The following LARP4B variants were observed in gnomAD, a reference collection of about 807,000 sequenced individuals.
LARP4B encodes the protein La ribonucleoprotein 4B.
Under a neutral mutation model 89.8 loss-of-function variants are expected in LARP4B, and 12 were observed. The observed-to-expected ratio is 0.13, with a 90% CI of 0.09 to 0.22. The LOEUF (loss-of-function observed/expected upper bound fraction) is 0.22. LARP4B is among the 10% of genes least tolerant of loss of function. The pLI, the probability that LARP4B is intolerant of heterozygous loss-of-function variation, is 1.00. For synonymous variants in LARP4B, 367 were observed against 363.3 expected (o/e 1.01, Z -0.12); for missense variants, 757 against 947.7 (o/e 0.80, Z 2.64).
the LARP4B span, chr10:942,473 T>C: frequency 6.6e-6 from 1 of 152,242 alleles, no homozygotes. Flanking sequence ...ATGTCCTATT[T>C]GCACAGACTC....
At chr10:938,930 A>G in the LARP4B span, among the ~76,000 whole-genome samples, 3 of 152,256 alleles carry the variant, frequency 2.0e-5, no homozygotes, top group African/African-American at 7.2e-5. Context: ...AGCAGTTGGT[A>G]GAGACAGGTG....
At chr10:826,257 C>T (rs1330465542) in intron 11 of LARP4B, among the ~76,000 whole-genome samples, 1 of 152,216 alleles carries the variant, frequency 6.6e-6, no homozygotes, top group East Asian at 1.9e-4. Flanking sequence ...TACAACTCAT[C>T]AACATTCTCA....
chr10:830,962 A>C lies in LARP4B; in HGVS notation c.766T>G (p.Phe256Val), dbSNP rs772376102. The C allele has an allele frequency of 4.4e-6, 5 of 1,133,898 alleles. No homozygotes were observed. The African/African-American group carries it at 6.1e-5, about 14-fold the overall frequency. 70.2% of individuals were successfully genotyped at this position (1,133,898 alleles called of 1,614,324 possible). A position where few individuals can be genotyped will look rare whatever the true frequency, so the allele number is the denominator to read the frequency against. The change falls in exon 9 of 18, where the codon TTT (phenylalanine) becomes GTT (valine). Residue 256 changes from phenylalanine to valine, a missense_variant. Transcript: ENST00000316157. ...STPVEEVEAL[F>V]KGDNLPKFIN... ...AATTTTGGTAAATTATCTCCTTTAA[A>C]TAGTGCTTCTACTTCCTACAGGAAA...
In LARP4B at chr10:811,632, A is replaced by G. The variant is rs943105880; in HGVS notation, c.*1294T>C. 2.0e-5 allele frequency: 3 copies of G among 152,644 alleles called. No individual in the cohort carries two copies. The highest frequency in any genetic ancestry group is 4.4e-5 in the Non-Finnish European group (3 of 68,034). The allele number at this position is 152,644 out of a possible 1,614,324, so 9.5% of individuals were successfully genotyped here. A position where few individuals can be genotyped will look rare whatever the true frequency, so the allele number is the denominator to read the frequency against. ...GGCAAAGTCATTTTCAAGTTTAAAT[A>G]AAATTCAAGTCTTTAAATATTGGAT... On this transcript the variant is annotated 3_prime_UTR_variant, in exon 18 of 18. Transcript: ENST00000316157.
chr10:850,292 C>T (rs753034968), intron 5 of LARP4B, among the ~76,000 whole-genome samples: 1 of 152,154 alleles, frequency 6.6e-6, no homozygotes, highest in African/African-American at 2.4e-5. Context: ...ACAACAAATG[C>T]ACTTTATTAA....
chr10:831,642 A>G (rs1832911466), intron 8 of LARP4B, among the ~76,000 whole-genome samples: 1 of 152,166 alleles, frequency 6.6e-6, no homozygotes, highest in Non-Finnish European at 1.5e-5. Context: ...CACAGTGGAA[A>G]ACTCTCCTAA....
At chr10:915,977 T>A (rs887883539) in intron 1 of LARP4B, among the ~76,000 whole-genome samples, 4 of 152,192 alleles carry the variant, frequency 2.6e-5, no homozygotes, top group African/African-American at 9.6e-5. Flanking sequence ...AACTTTCAAA[T>A]TCTAAAATTA....
At chr10:845,082 GA>G in intron 5 of LARP4B, 27 bp from the exon 6 acceptor site, 1 of 1,558,422 alleles carries the variant, frequency 6.4e-7, no homozygotes. Context: ...ATCAACTTAG[GA>G]AAACCGGCTT....
chr10:916,656 T>C (rs778487666), intron 1 of LARP4B, among the ~76,000 whole-genome samples: 22 of 152,090 alleles, frequency 1.4e-4, no homozygotes, highest in Admixed American at 3.3e-4. Context: ...GATCACGCCA[T>C]TGCACTCCAG....
Position 905,848 on chromosome 10 carries a change from T to C in LARP4B, c.-39-20088A>G, listed in dbSNP as rs187354825. 1.4e-3 allele frequency among the ~76,000 whole-genome samples: 220 copies of C among 152,302 alleles called. 1 individual carries two copies. Among genetic ancestry groups the C allele is most frequent in the African/African-American group, 5.0e-3 (208 of 41,560 alleles). Reference sequence around the variant, plus strand: ...CAAGAACCAGCCTCCTGCTTGCTGGTGGACAGGGAGGACCTCTCACAGCAC... The same window carrying C: ...CAAGAACCAGCCTCCTGCTTGCTGGCGGACAGGGAGGACCTCTCACAGCAC... On this transcript the variant is annotated intron_variant, in intron 1 of 17. Coordinates refer to ENST00000316157, the MANE Select transcript of LARP4B (RefSeq NM_015155.3).
intron 1 of LARP4B, among the ~76,000 whole-genome samples, chr10:886,586 ATGTG>A (rs936885056): frequency 2.0e-5 from 3 of 152,174 alleles, no homozygotes; most frequent in South Asian, 2.1e-4. Context: ...AGAAATTGGG[ATGTG>A]TGTATCTGTC....
rs1196572754 is a variant in LARP4B at position 814,423 on chromosome 10, A to G, written c.1929+319T>C. 6 of 404,768 alleles carry G rather than the reference A, an allele frequency of 1.5e-5. No individual in the cohort carries two copies. Among genetic ancestry groups the G allele is most frequent in the South Asian group, 6.4e-5 (3 of 47,074 alleles). The allele number at this position is 404,768 out of a possible 1,614,324, so 25.1% of individuals were successfully genotyped here. A position where few individuals can be genotyped will look rare whatever the true frequency, so the allele number is the denominator to read the frequency against. On this transcript the variant is annotated intron_variant, in intron 17 of 17. Coordinates refer to ENST00000316157, the MANE Select transcript of LARP4B (RefSeq NM_015155.3). The surrounding 1 kb of genome is among the most constrained non-coding windows in gnomAD (Gnocchi z 4.4). ...CGCGCACGCACGCAAACATACACAC[A>G]CGCGCGAAATGCTGAAATGATCCTA...
chr10:934,770 A>G (rs1487337161), upstream of LARP4B, among the ~76,000 whole-genome samples: 3 of 152,128 alleles, frequency 2.0e-5, no homozygotes. Context: ...CTCATTTCCC[A>G]TGTCAAGTGG....
At chr10:897,987 C>CAAAAAAAAAAAAAA (rs58452748) in intron 1 of LARP4B, among the ~76,000 whole-genome samples, 1 of 25,646 alleles carries the variant, frequency 3.9e-5, no homozygotes, top group African/African-American at 1.8e-4. Flanking sequence ...GGCTCCATCT[C>CAAAAAAAAAAAAAA]AAAAAAAAAA....
intron 5 of LARP4B, among the ~76,000 whole-genome samples, chr10:857,045 C>T (rs1467347635): frequency 1.3e-5 from 2 of 152,096 alleles, no homozygotes; most frequent in African/African-American, 4.8e-5. Flanking sequence ...GCCCACACCT[C>T]ACCCCACAGC....
chr10:965,308 C>G, the LARP4B span, among the ~76,000 whole-genome samples: 1 of 152,266 alleles, frequency 6.6e-6, no homozygotes, highest in African/African-American at 2.4e-5. Flanking sequence ...GATTCACTTC[C>G]GAGGCACAAT....
chr10:883,429 T>C (rs564025769), intron 3 of LARP4B, among the ~76,000 whole-genome samples: 1 of 152,284 alleles, frequency 6.6e-6, no homozygotes, highest in Non-Finnish European at 1.5e-5. Context: ...GAGAATCCCT[T>C]GAACCCAGGA....
rs2131588473 is a variant in LARP4B at position 813,088 on chromosome 10, C to A, written c.2055G>T (p.Lys685Asn). 6.2e-7 allele frequency: 1 copy of A among 1,614,180 alleles called. No individual in the cohort carries two copies. Among genetic ancestry groups the A allele is most frequent in the Non-Finnish European group, 8.5e-7 (1 of 1,180,028 alleles). ...NTVGCGKEEK[K>N]LAEPAERYRE... is the part of the protein sequence containing the mutation. Reference sequence around the variant, plus strand: ...GGTATCTCTCTGCGGGCTCTGCCAGCTTCTTTTCCTCCTTCCCACAACCAA... The same window carrying A: ...GGTATCTCTCTGCGGGCTCTGCCAGATTCTTTTCCTCCTTCCCACAACCAA... Residue 685 changes from lysine (K) to asparagine (N), a missense_variant, in exon 18 of 18, where the codon AAG becomes AAT. Transcript: ENST00000316157.
At chr10:925,960 T>C (rs967876634) in intron 1 of LARP4B, among the ~76,000 whole-genome samples, 15 of 152,278 alleles carry the variant, frequency 9.9e-5, no homozygotes, top group Non-Finnish European at 2.2e-4. Flanking sequence ...AACTTGTAAA[T>C]ATAACTTTTA....
Sources: gnomAD v4.1 joint callset for allele counts (sites outside exome capture counted in the v4.1 genomes callset) on GRCh38, gnomAD v4.1.1 for gene constraint, Gnocchi (gnomAD v3.1) non-coding constraint, MANE v1.5 for transcripts, NCBI Gene and HGNC (gene_info 2026-07-23, HGNC 2026-07-21) for gene names.